BMERB1: variants seen among roughly 807,000 people sequenced by gnomAD.
The protein encoded by BMERB1 is bMERB domain containing 1.
In BMERB1, 12 loss-of-function variants were observed where a neutral mutation model predicts 23.6. The ratio of observed to expected loss-of-function variants is 0.51; its 90% CI spans 0.33 to 0.82. The LOEUF (loss-of-function observed/expected upper bound fraction) is 0.82. BMERB1 is among the 40% of genes least tolerant of loss of function. The pLI, the probability that BMERB1 is intolerant of heterozygous loss-of-function variation, is 0.03. For synonymous variants in BMERB1, 122 were observed against 96.6 expected (o/e 1.26, Z -1.54); for missense variants, 247 against 255.4 (o/e 0.97, Z 0.22).
intron 1 of BMERB1, among the ~76,000 whole-genome samples, chr16:15,498,899 G>A (rs911188909): frequency 3.9e-5 from 6 of 152,246 alleles, no homozygotes; most frequent in Non-Finnish European, 5.9e-5. Flanking sequence ...ACAGCCCCCA[G>A]CACAAAGAAG....
chr16:15,498,116 C>G (rs967024501), intron 1 of BMERB1, among the ~76,000 whole-genome samples: 3 of 152,058 alleles, frequency 2.0e-5, no homozygotes, highest in African/African-American at 7.3e-5. Context: ...TGAAGGGCAG[C>G]TTGCTGGGTC....
At chr16:15,571,301 A>G (rs749966876) in intron 3 of BMERB1, among the ~76,000 whole-genome samples, 1 of 152,110 alleles carries the variant, frequency 6.6e-6, no homozygotes, top group African/African-American at 2.4e-5. Flanking sequence ...CAGGACCCCA[A>G]TTCACTATAC....
intron 2 of BMERB1, among the ~76,000 whole-genome samples, chr16:15,530,299 T>C (rs1417276587): frequency 3.3e-5 from 5 of 152,220 alleles, no homozygotes; most frequent in African/African-American, 4.8e-5. Context: ...ACCTCAGGCA[T>C]AAATGGGTAG....
chr16:15,563,413 G>A (rs966690973), intron 2 of BMERB1, among the ~76,000 whole-genome samples: 9 of 151,862 alleles, frequency 5.9e-5, no homozygotes, highest in Admixed American at 2.0e-4. Context: ...TAGAGACGGG[G>A]TTTCACCATG....
intron 3 of BMERB1, among the ~76,000 whole-genome samples, chr16:15,572,244 C>T (rs981512765): frequency 5.3e-5 from 8 of 152,172 alleles, no homozygotes; most frequent in Admixed American, 1.3e-4. Context: ...TACTACCCCC[C>T]GCATGGTTGT....
At chr16:15,492,748 G>A (rs1157715318) in intron 1 of BMERB1, among the ~76,000 whole-genome samples, 1 of 151,864 alleles carries the variant, frequency 6.6e-6, no homozygotes, top group African/African-American at 2.4e-5. Context: ...GCGAAACCTT[G>A]TCTCTACTAA....
intron 2 of BMERB1, among the ~76,000 whole-genome samples, chr16:15,561,249 G>A (rs894482443): frequency 3.2e-5 from 4 of 123,210 alleles, no homozygotes; most frequent in Non-Finnish European, 4.9e-5. Context: ...GAGCCACCAC[G>A]CCGGCCATTT....
chr16:15,441,821 C>T (rs2050941664), intron 1 of BMERB1, among the ~76,000 whole-genome samples: 1 of 152,160 alleles, frequency 6.6e-6, no homozygotes, highest in Non-Finnish European at 1.5e-5. Context: ...TGCGCCCAGC[C>T]TGGTTTTTGT....
At chr16:15,561,684 G>A (rs1270655299) in intron 2 of BMERB1, among the ~76,000 whole-genome samples, 1 of 152,172 alleles carries the variant, frequency 6.6e-6, no homozygotes, top group East Asian at 1.9e-4. Flanking sequence ...CTTGAGGCTA[G>A]GAGTTCTAGA....
chr16:15,519,087 A>ACACG (rs1555510664), intron 2 of BMERB1, among the ~76,000 whole-genome samples: 50 of 146,872 alleles, frequency 3.4e-4, no homozygotes, highest in African/African-American at 1.3e-3. Flanking sequence ...ACACACACAC[A>ACACG]CACACACACA....
intron 3 of BMERB1, among the ~76,000 whole-genome samples, chr16:15,570,590 G>C (rs1030423760): frequency 6.6e-6 from 1 of 152,100 alleles, no homozygotes; most frequent in Non-Finnish European, 1.5e-5. Flanking sequence ...TCCTGATCCA[G>C]ACCCCAAAGT....
At chr16:15,446,387 C>T (rs897332094) in intron 1 of BMERB1, among the ~76,000 whole-genome samples, 4 of 152,220 alleles carry the variant, frequency 2.6e-5, no homozygotes, top group South Asian at 2.1e-4. Flanking sequence ...AAAGTGAGAC[C>T]TTGTCTCTAA....
At chr16:15,584,430 C>T (rs1016592474) in intron 5 of BMERB1, among the ~76,000 whole-genome samples, 10 of 151,700 alleles carry the variant, frequency 6.6e-5, no homozygotes, top group Admixed American at 2.6e-4. Flanking sequence ...TGGTGGTGGG[C>T]GCCTGTATTC....
At chr16:15,483,626 C>T (rs1057493806) in intron 1 of BMERB1, among the ~76,000 whole-genome samples, 13 of 152,122 alleles carry the variant, frequency 8.5e-5, no homozygotes, top group African/African-American at 1.4e-4. Flanking sequence ...GTGATCCACT[C>T]GCCTCGGCCT....
At position 15,452,741 on chromosome 16, in the gene BMERB1, G is replaced by A. The variant is rs148387018; in HGVS notation, c.106+17982G>A. 3.7e-3 allele frequency among the ~76,000 whole-genome samples: 565 copies of A among 152,264 alleles called. 6 individuals are homozygous for A. The highest frequency in any genetic ancestry group is 0.013 in the African/African-American group (543 of 41,564). On this transcript the variant is annotated intron_variant, in intron 1 of 5. Coordinates refer to ENST00000300006, the MANE Select transcript of BMERB1 (RefSeq NM_033201.3). The stretch of plus-strand genomic sequence containing the variant: ...CTCAGGACAATGGTGGTTGGGAGAA[G>A]CTAAGCTAAGGTCAAAGCCAAACAC...
At chr16:15,469,247 T>C (rs967703522) in intron 1 of BMERB1, among the ~76,000 whole-genome samples, 1 of 152,180 alleles carries the variant, frequency 6.6e-6, no homozygotes, top group African/African-American at 2.4e-5. Flanking sequence ...ATTACAGGCA[T>C]GAGCCACTGC....
intron 2 of BMERB1, among the ~76,000 whole-genome samples, chr16:15,515,695 G>A (rs542443475): frequency 5.3e-5 from 8 of 152,324 alleles, no homozygotes; most frequent in Admixed American, 3.9e-4. Flanking sequence ...GGAAGAAAGA[G>A]GGAAGGGAAT....
intron 3 of BMERB1, among the ~76,000 whole-genome samples, chr16:15,571,490 G>C (rs1378949185): frequency 2.0e-5 from 3 of 151,870 alleles, no homozygotes; most frequent in Non-Finnish European, 4.4e-5. Flanking sequence ...GTAGCTGGGA[G>C]CCTGTAGGCA....
At chr16:15,581,372 A>G (rs202099414) in intron 4 of BMERB1, 41 bp downstream of exon 4, 349 of 1,535,106 alleles carry the variant, frequency 2.3e-4, no homozygotes, top group Non-Finnish European at 1.4e-4. Context: ...GCTGCAGGAC[A>G]GCAACCTTCT....
Sources: allele counts gnomAD v4.1 joint callset (sites outside exome capture counted in the v4.1 genomes callset), GRCh38; gene constraint gnomAD v4.1.1; transcripts MANE v1.5; gene names NCBI Gene and HGNC (gene_info 2026-07-23, HGNC 2026-07-21).